TEFM: variants seen among roughly 807,000 people sequenced by gnomAD.
TEFM encodes the protein transcription elongation factor of mitochondria.
TEFM carries 14 observed loss-of-function variants against 23.0 expected under a neutral mutation model. That is an observed-to-expected ratio of 0.61 (90% confidence interval 0.40 to 0.95). The LOEUF is 0.95. TEFM is among the 40% of genes least tolerant of loss of function. The probability of loss-of-function intolerance (pLI) is 0.00; values close to 1 mark genes in which losing one functional copy is unlikely to be tolerated. For synonymous variants in TEFM, 155 were observed against 158.3 expected (o/e 0.98, Z 0.16); for missense variants, 386 against 425.5 (o/e 0.91, Z 0.82).
At position 30,899,530 on chromosome 17, in the gene TEFM, G is replaced by A; in HGVS notation, c.722C>T (p.Ser241Leu). 6.2e-7 allele frequency: 1 copy of A among 1,613,218 alleles called. No individual in the cohort carries two copies. The highest frequency in any genetic ancestry group is 1.1e-5 in the South Asian group (1 of 91,012). ...ATGTAACAGTATTGGAAACAGAGATGAGTTCTGAATGGAAAGTCCTGTTTT... is the reference window on the plus strand; with the variant it reads ...ATGTAACAGTATTGGAAACAGAGATAAGTTCTGAATGGAAAGTCCTGTTTT... ...LEKTGLSIQN[S>L]SLFPILLHFH... The change falls in exon 4 of 4, where the codon TCA (serine) becomes TTA (leucine). Residue 241 changes from serine to leucine, a missense_variant. Physicochemically the swap from Ser to Leu is moderately radical, Grantham distance 145. Transcript: ENST00000581216.
Position 30,899,204 on chromosome 17 carries a change from A to C in TEFM, c.1048T>G (p.Phe350Val). ...GAGTCAAACACTGCTAATTCATAGA[A>C]GGCAATAGCTTGTAATAATGAATCA... ...LYDSLLQAIA[F>V]YELAVFDSQP is the part of the protein sequence containing the mutation. The change falls in exon 4 of 4, where the codon TTC becomes GTC. Residue 350 changes from phenylalanine (F) to valine (V), a missense_variant. Coordinates refer to ENST00000581216, the MANE Select transcript of TEFM (RefSeq NM_024683.4). The C allele has an allele frequency of 1.9e-6, 3 of 1,608,516 alleles. No homozygotes were observed. Among genetic ancestry groups the C allele is most frequent in the Middle Eastern group, 3.3e-4 (2 of 6,032 alleles).
At position 30,904,129 on chromosome 17, in the gene TEFM, C is replaced by CT. The variant is rs1174416224; in HGVS notation, c.431dup (p.Ser145ValfsTer21). 2 of 1,613,958 alleles carry CT rather than the reference C, an allele frequency of 1.2e-6. No homozygotes were observed. Among genetic ancestry groups the CT allele is most frequent in the African/African-American group, 1.3e-5 (1 of 74,932 alleles). Reference sequence around the variant, plus strand: ...TTCTCAGGAACCGGTTTTCCGGTGACTTTCTTTTTTCCCGTCCAGTCTTTG... The same window carrying CT: ...TTCTCAGGAACCGGTTTTCCGGTGACTTTTCTTTTTTCCCGTCCAGTCTTTG... On this transcript the variant is annotated frameshift_variant, in exon 2 of 4. Transcript: ENST00000581216. LOFTEE classifies it high-confidence loss of function.
At chr17:30,900,302 T>C in intron 3 of TEFM, 111 bp downstream of exon 3, 1 of 1,054,450 alleles carries the variant, frequency 9.5e-7, no homozygotes, top group Non-Finnish European at 1.4e-6. Context: ...GAGTAACAAG[T>C]ACCAGAAGAA....
intron 2 of TEFM, 45 bp downstream of exon 2, chr17:30,904,021 T>C: frequency 6.5e-7 from 1 of 1,537,394 alleles, no homozygotes; most frequent in Non-Finnish European, 8.8e-7. Context: ...CTTTCTAGAG[T>C]AGGTTCTCAA....
chr17:30,899,345 A>T lies in TEFM; in HGVS notation c.907T>A (p.Phe303Ile). ...GCCTTCAGTATAGAATCGAAGAGAA[A>T]CTGCTTCACTAGCTCTTTTCCACTA... ...RTSGKELVKQ[F>I]LFDSILKADP... The change falls in exon 4 of 4, where the codon TTT (phenylalanine) becomes ATT (isoleucine). Residue 303 changes from phenylalanine to isoleucine, a missense_variant. Coordinates refer to ENST00000581216, the MANE Select transcript of TEFM (RefSeq NM_024683.4). 6.2e-7 allele frequency: 1 copy of T among 1,614,224 alleles called. No homozygotes were observed. Among genetic ancestry groups the T allele is most frequent in the African/African-American group, 1.3e-5 (1 of 75,062 alleles).
chr17:30,901,302 T>C (rs1910042463), intron 2 of TEFM, among the ~76,000 whole-genome samples: 1 of 152,194 alleles, frequency 6.6e-6, no homozygotes, highest in Non-Finnish European at 1.5e-5. Flanking sequence ...ATTACAGGTG[T>C]GAGCCACCAA....
At chr17:30,900,622 G>A in intron 2 of TEFM, 60 bp from the exon 3 acceptor site, 2 of 1,494,736 alleles carry the variant, frequency 1.3e-6, no homozygotes, top group Non-Finnish European at 1.8e-6. Flanking sequence ...CTTTTTTTGA[G>A]ACGGAGTCTC....
chr17:30,904,274 G>C lies in TEFM; in HGVS notation c.287C>G (p.Ser96Cys), dbSNP rs1287464640. 6.2e-7 allele frequency: 1 copy of C among 1,614,068 alleles called. No homozygotes were observed. The highest frequency in any genetic ancestry group is 1.3e-5 in the African/African-American group (1 of 74,926). The change falls in exon 2 of 4, where the codon TCC (serine) becomes TGC (cysteine). Residue 96 changes from serine to cysteine, a missense_variant. Physicochemically the swap from Ser to Cys is moderately radical, Grantham distance 112. Transcript: ENST00000581216. Reference protein sequence around the residue: ...EAFRLLRGRRSINIVEHRENF... With the variant: ...EAFRLLRGRRCINIVEHRENF... ...TTCTCTGTGCTCTACGATATTGATGGACCTTCTTCCACGAAGCAATCGGAA... is the reference window on the plus strand; with the variant it reads ...TTCTCTGTGCTCTACGATATTGATGCACCTTCTTCCACGAAGCAATCGGAA...
intron 2 of TEFM, among the ~76,000 whole-genome samples, chr17:30,903,113 G>A (rs1330383149): frequency 7.5e-6 from 1 of 132,742 alleles, no homozygotes; most frequent in Non-Finnish European, 1.5e-5. Flanking sequence ...ACTCCAGCCT[G>A]GCGACAGCAC....
At chr17:30,900,591 G>A in intron 2 of TEFM, 29 bp from the exon 3 acceptor site, 1 of 1,589,192 alleles carries the variant, frequency 6.3e-7, no homozygotes, top group Non-Finnish European at 8.6e-7. Flanking sequence ...TTAATTAGAA[G>A]TATAAACATT....
At chr17:30,904,566 C>A in intron 1 of TEFM, 37 bp from the exon 2 acceptor site, 1 of 1,507,140 alleles carries the variant, frequency 6.6e-7, no homozygotes, top group South Asian at 1.3e-5. Context: ...AGTTGGATGT[C>A]CTACTTCCTT....
intron 3 of TEFM, 178 bp from the exon 4 acceptor site, chr17:30,899,784 T>C (rs1909998567): frequency 1.1e-5 from 5 of 443,754 alleles, no homozygotes; most frequent in Non-Finnish European, 1.9e-5. Context: ...GTCATGGTTA[T>C]GTCACAACAA....
intron 3 of TEFM, 77 bp downstream of exon 3, chr17:30,900,336 C>A: frequency 7.3e-7 from 1 of 1,379,006 alleles, no homozygotes; most frequent in South Asian, 1.3e-5. Flanking sequence ...TATTTTATTA[C>A]ATTCCTTTTG....
At chr17:30,902,988 C>T (rs531260762) in intron 2 of TEFM, among the ~76,000 whole-genome samples, 12 of 151,696 alleles carry the variant, frequency 7.9e-5, no homozygotes, top group Middle Eastern at 3.4e-3. Context: ...ACTAAAAATA[C>T]AAAAATTAGC....
In TEFM at chr17:30,904,408, A is replaced by G; in HGVS notation, c.153T>C (p.Asp51=). Residue 51 remains aspartate, a synonymous_variant, in exon 2 of 4, where the codon GAT becomes GAC. Coordinates refer to ENST00000581216, the MANE Select transcript of TEFM (RefSeq NM_024683.4). Reference sequence around the variant, plus strand: ...CATTTTCGGGCTCCTTTGCATTTTCATCACAAAAAGTAACATTGGGAGTAA... The same window carrying G: ...CATTTTCGGGCTCCTTTGCATTTTCGTCACAAAAAGTAACATTGGGAGTAA... ...KKITPNVTFC[D]ENAKEPENAL... The G allele has an allele frequency of 6.2e-7, 1 of 1,614,196 alleles. No homozygotes were observed. The highest frequency in any genetic ancestry group is 1.3e-5 in the African/African-American group (1 of 75,054).
Position 30,904,506 on chromosome 17 carries a change from G to C in TEFM, c.55C>G (p.Pro19Ala). ...GCCCAGTACAGGGATGACCTCGACG[G>C]GGTCAGAAAGCATCTCCACCTCTCT... ...AGERWRCFLT[P>A]SRSSLYWALH... Residue 19 changes from proline to alanine, a missense_variant, in exon 2 of 4, where the codon CCG (proline) becomes GCG (alanine). By Grantham distance (27) the Pro-to-Ala change is conservative. Transcript: ENST00000581216. 1 of 1,607,454 alleles carries C rather than the reference G, an allele frequency of 6.2e-7. No individual in the cohort carries two copies. Among genetic ancestry groups the C allele is most frequent in the Non-Finnish European group, 8.5e-7 (1 of 1,176,440 alleles).
chr17:30,903,847 C>T (rs532503962), intron 2 of TEFM, among the ~76,000 whole-genome samples: 1 of 152,278 alleles, frequency 6.6e-6, no homozygotes, highest in Non-Finnish European at 1.5e-5. Context: ...AAATTGAGTT[C>T]TTCCAGTAAA....
chr17:30,906,228 C>T lies in TEFM; in HGVS notation c.-30G>A. On this transcript the variant is annotated 5_prime_UTR_variant, in exon 1 of 4. Transcript: ENST00000581216. Reference sequence around the variant, plus strand: ...AAGTTGAATCAGTAGGTCCAGTCTTCCTCCATTGACTTCCGGTTCCTGCGT... The same window carrying T: ...AAGTTGAATCAGTAGGTCCAGTCTTTCTCCATTGACTTCCGGTTCCTGCGT... 6.2e-7 allele frequency: 1 copy of T among 1,614,242 alleles called. No individual in the cohort carries two copies.
intron 1 of TEFM, among the ~76,000 whole-genome samples, chr17:30,905,520 CAAAA>C (rs35702969): frequency 1.2e-5 from 1 of 86,554 alleles, no homozygotes; most frequent in Non-Finnish European, 2.4e-5. Context: ...AACTCCGTCT[CAAAA>C]AAAAAAAAAA....
Sources: allele counts gnomAD v4.1 joint callset (sites outside exome capture counted in the v4.1 genomes callset), GRCh38; gene constraint gnomAD v4.1.1; transcripts MANE v1.5; gene names NCBI Gene and HGNC (gene_info 2026-07-23, HGNC 2026-07-21).